Variants in ARFGEF3 observed in about 807,000 individuals in gnomAD.
ARFGEF3 encodes brefeldin A-inhibited guanine nucleotide-exchange protein 3.
In ARFGEF3, 96 loss-of-function variants were observed where a neutral mutation model predicts 221.7. The observed-to-expected ratio is 0.43, with a 90% CI of 0.37 to 0.51. ARFGEF3 has a LOEUF of 0.51. Among genes scored for constraint, ARFGEF3 ranks in the 20% least tolerant of loss-of-function variants. ARFGEF3 has a pLI of 0.00. For missense variants in ARFGEF3, 2,410 were observed against 2,789.9 expected (o/e 0.86, Z 3.07); for synonymous variants, 1,145 against 1,126.8 (o/e 1.02, Z -0.32).
intron 2 of ARFGEF3, among the ~76,000 whole-genome samples, chr6:138,177,042 A>G (rs149276871): frequency 6.6e-6 from 1 of 150,826 alleles, no homozygotes; most frequent in East Asian, 1.9e-4. Flanking sequence ...TGATTTTAAA[A>G]TTCTTTCACT....
In ARFGEF3 at chr6:138,343,189, T is replaced by C. The variant is rs1419818044; in HGVS notation, c.*6703T>C. The C allele has an allele frequency of 1.3e-5, 2 of 152,186 alleles. No homozygotes were observed. Among genetic ancestry groups the C allele is most frequent in the Non-Finnish European group, 2.9e-5 (2 of 68,030 alleles). 9.4% of individuals were successfully genotyped at this position (152,186 alleles called of 1,614,324 possible). On this transcript the variant is annotated 3_prime_UTR_variant, in exon 34 of 34. Transcript: ENST00000251691. Reference sequence around the variant, plus strand: ...AAATTAAGGACCATACAGAGAATGATTTAAGAAAAAACAAGTCACTTAAAA... The same window carrying C: ...AAATTAAGGACCATACAGAGAATGACTTAAGAAAAAACAAGTCACTTAAAA...
intron 4 of ARFGEF3, among the ~76,000 whole-genome samples, chr6:138,229,267 G>C (rs1778148645): frequency 6.6e-6 from 1 of 152,244 alleles, no homozygotes; most frequent in South Asian, 2.1e-4. Flanking sequence ...TGCCTCGTGA[G>C]TGAGCACATG....
At chr6:138,193,832 G>GT (rs1416718636) in intron 2 of ARFGEF3, among the ~76,000 whole-genome samples, 1 of 152,144 alleles carries the variant, frequency 6.6e-6, no homozygotes, top group Non-Finnish European at 1.5e-5. Flanking sequence ...TATGAAGTCA[G>GT]TCTTTTTTTC....
intron 14 of ARFGEF3, among the ~76,000 whole-genome samples, chr6:138,284,322 AAC>A (rs2114625115): frequency 6.6e-6 from 1 of 152,164 alleles, no homozygotes; most frequent in African/African-American, 2.4e-5. Flanking sequence ...AACAAACAAA[AAC>A]AAACAAAAAA....
At chr6:138,282,771 G>A (rs137940982) in intron 14 of ARFGEF3, among the ~76,000 whole-genome samples, 1 of 152,316 alleles carries the variant, frequency 6.6e-6, no homozygotes, top group African/African-American at 2.4e-5. Context: ...CATTCAGGCC[G>A]AGCACAGTGG....
intron 14 of ARFGEF3, among the ~76,000 whole-genome samples, chr6:138,282,244 C>T (rs956355610): frequency 1.3e-5 from 2 of 151,888 alleles, no homozygotes; most frequent in Non-Finnish European, 2.9e-5. Context: ...CGTGAGCCGC[C>T]GCACCCACCC....
intron 9 of ARFGEF3, 108 bp from the exon 10 acceptor site, chr6:138,255,328 A>T (rs917559834): frequency 1.9e-5 from 14 of 728,448 alleles, no homozygotes; most frequent in South Asian, 1.5e-4. Context: ...AAAGAAGAAG[A>T]AGTAAAGAGC....
intron 4 of ARFGEF3, among the ~76,000 whole-genome samples, chr6:138,221,691 CACTGTT>C (rs1777984883): frequency 1.3e-5 from 2 of 152,152 alleles, no homozygotes; most frequent in South Asian, 4.1e-4. Context: ...CTGTGACTAT[CACTGTT>C]ACAGTATTTC....
chr6:138,303,149 C>G lies in ARFGEF3; in HGVS notation c.3829-4104C>G, dbSNP rs143812139. Among the ~76,000 whole-genome samples, 224 of 152,156 alleles carry G rather than the reference C, an allele frequency of 1.5e-3. 1 individual carries two copies. Among genetic ancestry groups the G allele is most frequent in the Non-Finnish European group, 2.4e-3 (163 of 68,006 alleles). ...TAGAAGCAAAGTTGCTGTATTTTGC[C>G]AGAATTAGCTCAGTATTAACTTGAG... is the stretch of plus-strand genomic sequence containing the variant. On this transcript the variant is annotated intron_variant, in intron 22 of 33. Coordinates refer to ENST00000251691, the MANE Select transcript of ARFGEF3 (RefSeq NM_020340.5).
At chr6:138,198,673 A>C (rs972117886) in intron 2 of ARFGEF3, among the ~76,000 whole-genome samples, 11 of 149,466 alleles carry the variant, frequency 7.4e-5, no homozygotes, top group African/African-American at 2.5e-4. Flanking sequence ...GCTTGAACTC[A>C]GCAGCTAGTT....
rs375082443 is a variant in ARFGEF3, at chr6:138,262,975, G to A, written c.1492G>A (p.Glu498Lys). 2.8e-5 allele frequency: 45 copies of A among 1,599,114 alleles called. No homozygotes were observed. The highest frequency in any genetic ancestry group is 3.4e-5 in the South Asian group (3 of 89,148). The change falls in exon 12 of 34, where the codon GAG (glutamate) becomes AAG (lysine). Residue 498 changes from glutamate (E) to lysine (K), a missense_variant. Glu to Lys is a moderately conservative substitution (Grantham distance 56). This residue lies in a region of ARFGEF3 where 594 missense variants were observed against 734.3 expected (regional missense o/e 0.81). Coordinates refer to ENST00000251691, the MANE Select transcript of ARFGEF3 (RefSeq NM_020340.5). ...ACACACGCCGTGGGAGTCAGGGAAC[G>A]AGAGGAGCCTTGACATCAGCATCAG... ...SEHTPWESGN[E>K]RSLDISISVT...
At chr6:138,323,530 G>C (rs1461344784) in intron 29 of ARFGEF3, 141 bp from the exon 30 acceptor site, 2 of 628,946 alleles carry the variant, frequency 3.2e-6, no homozygotes, top group Non-Finnish European at 2.7e-6. Context: ...AGAATTGCTT[G>C]AACCCGGGAG....
In ARFGEF3 at chr6:138,217,832, T is replaced by C; in HGVS notation, c.351+7791T>C. ...ATCAACATGGGTTTGTATTTTAGAATTGAAATAACCTCCTACATCATCAAA... is the reference window on the plus strand; with the variant it reads ...ATCAACATGGGTTTGTATTTTAGAACTGAAATAACCTCCTACATCATCAAA... On this transcript the variant is annotated intron_variant, in intron 4 of 33. Transcript: ENST00000251691. The C allele has an allele frequency of 4.6e-6, 5 of 1,077,494 alleles. No homozygotes were observed. The South Asian group carries it at 6.7e-5, about 15-fold the overall frequency. The allele number at this position is 1,077,494 out of a possible 1,614,324, so 66.7% of individuals were successfully genotyped here.
chr6:138,315,504 G>A (rs1583063484), intron 26 of ARFGEF3, among the ~76,000 whole-genome samples: 1 of 152,134 alleles, frequency 6.6e-6, no homozygotes, highest in Non-Finnish European at 1.5e-5. Context: ...TACAAATTTT[G>A]TGGGGGTGGC....
chr6:138,245,041 T>A (rs542460218), intron 7 of ARFGEF3, among the ~76,000 whole-genome samples: 1 of 152,276 alleles, frequency 6.6e-6, no homozygotes, highest in Admixed American at 6.5e-5. Flanking sequence ...GTGGTTCATG[T>A]CTGTAATCCC....
chr6:138,281,800 A>G (rs763046480), intron 14 of ARFGEF3, among the ~76,000 whole-genome samples: 4 of 152,236 alleles, frequency 2.6e-5, no homozygotes, highest in African/African-American at 7.2e-5. Flanking sequence ...GCCACTTTTC[A>G]TGGCTTATTG....
chr6:138,247,430 G>T (rs1011371938), intron 8 of ARFGEF3, among the ~76,000 whole-genome samples: 6 of 152,130 alleles, frequency 3.9e-5, no homozygotes, highest in Non-Finnish European at 8.8e-5. Context: ...TAGGTCATGT[G>T]TTCACTCTAC....
intron 2 of ARFGEF3, among the ~76,000 whole-genome samples, chr6:138,186,957 C>T (rs987458768): frequency 1.4e-5 from 2 of 139,476 alleles, no homozygotes; most frequent in African/African-American, 5.6e-5. Context: ...CTCTTGTTGC[C>T]CAGGCAGGAG....
rs1003694327 is a variant in ARFGEF3 at position 138,286,603 on chromosome 6, A to G, written c.2570-98A>G. The G allele has an allele frequency of 7.7e-6, 7 of 909,782 alleles. No individual in the cohort carries two copies. The East Asian group carries it at 9.6e-5, about 13-fold the overall frequency. 56.4% of individuals were successfully genotyped at this position (909,782 alleles called of 1,614,324 possible). ...ATTTCCTGTTGTAGAATTGCATGCA[A>G]CTGAGTACTGCTCATTTGATAGCAA... is the stretch of plus-strand genomic sequence containing the variant. On this transcript the variant is annotated intron_variant, in intron 15 of 33. Coordinates refer to ENST00000251691, the MANE Select transcript of ARFGEF3 (RefSeq NM_020340.5).
Sources: gnomAD v4.1 joint callset for allele counts (sites outside exome capture counted in the v4.1 genomes callset) on GRCh38, gnomAD v4.1.1 for gene constraint, gnomAD v4.1.1 regional missense constraint, MANE v1.5 for transcripts, NCBI Gene and HGNC (gene_info 2026-07-23, HGNC 2026-07-21) for gene names.